Variants in PUDP observed in about 807,000 individuals in gnomAD.
PUDP encodes pseudouridine-5'-phosphatase.
In PUDP, 8 loss-of-function variants were observed where a neutral mutation model predicts 9.4. The ratio of observed to expected loss-of-function variants is 0.85; its 90% confidence interval spans 0.50 to 1.53. The LOEUF (loss-of-function observed/expected upper bound fraction) is 1.53, where lower values mean the gene tolerates loss of function less well. PUDP is among the 40% of genes most tolerant of loss of function. PUDP has a pLI of 0.00. For synonymous variants in PUDP, 99 were observed against 80.7 expected (o/e 1.23, Z -1.22); for missense variants, 188 against 189.7 (o/e 0.99, Z 0.05).
At chrX:6,728,232 A>G (rs1459231473) in intron 3 of PUDP, among the ~76,000 whole-genome samples, 1 of 111,074 alleles carries the variant, frequency 9.0e-6, no homozygotes, top group Non-Finnish European at 1.9e-5. Context: ...GCCCCCCATG[A>G]TTCAATTATC....
At chrX:6,763,644 G>A (rs1203096156) in intron 3 of PUDP, among the ~76,000 whole-genome samples, 4 of 111,281 alleles carry the variant, frequency 3.6e-5, no homozygotes, top group Non-Finnish European at 5.7e-5. Flanking sequence ...TTGGTTAAAC[G>A]CTTCCCTATC....
intron 1 of PUDP, among the ~76,000 whole-genome samples, chrX:7,000,720 A>G (rs1289702938): frequency 9.1e-6 from 1 of 109,306 alleles, no homozygotes; most frequent in African/African-American, 3.3e-5. Flanking sequence ...AAAGCATTTG[A>G]TAAGGTCACT....
At chrX:6,720,694 T>C (rs778535368) in intron 1 of PUDP, among the ~76,000 whole-genome samples, 33 of 109,675 alleles carry the variant, frequency 3.0e-4, no homozygotes, top group Admixed American at 4.9e-4. Flanking sequence ...ATAATAACTA[T>C]GCACAGTGAT....
At chrX:6,714,647 TA>T (rs1283064212) in intron 1 of PUDP, among the ~76,000 whole-genome samples, 3 of 111,090 alleles carry the variant, frequency 2.7e-5, no homozygotes, top group African/African-American at 9.8e-5. Flanking sequence ...GAATGATAGA[TA>T]AATGGAGATG....
intron 3 of PUDP, among the ~76,000 whole-genome samples, chrX:7,070,759 G>T (rs891340565): frequency 9.0e-6 from 1 of 111,412 alleles, no homozygotes; most frequent in African/African-American, 3.3e-5. Flanking sequence ...TGTATTTTTA[G>T]TAGAGATGAG....
intron 3 of PUDP, among the ~76,000 whole-genome samples, chrX:6,826,619 C>T (rs749310568): frequency 3.6e-5 from 4 of 111,836 alleles, no homozygotes; most frequent in Non-Finnish European, 7.5e-5. Flanking sequence ...TGTGGATGTA[C>T]AACGTAGCAA....
At chrX:6,990,485 C>T (rs1400110530) in intron 1 of PUDP, among the ~76,000 whole-genome samples, 6 of 112,188 alleles carry the variant, frequency 5.3e-5, no homozygotes, top group Non-Finnish European at 7.5e-5. Context: ...TTCTAAAAAA[C>T]GAGGAATCAA....
intron 3 of PUDP, among the ~76,000 whole-genome samples, chrX:6,768,133 C>T (rs1925308595): frequency 8.9e-6 from 1 of 111,951 alleles, no homozygotes; most frequent in African/African-American, 3.3e-5. Flanking sequence ...CTCTACCCAG[C>T]GGTTCTCAAC....
chrX:6,754,928 G>A (rs1328891598), intron 3 of PUDP, among the ~76,000 whole-genome samples: 1 of 111,347 alleles, frequency 9.0e-6, no homozygotes, highest in Admixed American at 9.6e-5. Flanking sequence ...TCCTGTAAAC[G>A]TGTGTCCTTT....
At chrX:6,914,676 T>A (rs1458680180) in intron 3 of PUDP, among the ~76,000 whole-genome samples, 3 of 112,404 alleles carry the variant, frequency 2.7e-5, no homozygotes, top group African/African-American at 9.7e-5. Flanking sequence ...TGTCTGTTTA[T>A]GTGTCTCCTA....
rs1221198051 is a variant in PUDP at position 6,868,786 on chromosome X, T to C, written c.*247+108347A>G. On this transcript the variant is annotated intron_variant and NMD_transcript_variant, in intron 3 of 3. Transcript: ENST00000655425. The stretch of plus-strand genomic sequence containing the variant: ...AATTTCCTAACTATTGATTTAGCTG[T>C]TCTTGTGTGTCTTTAAATTAGGAGC... Among the ~76,000 whole-genome samples, 3 of 111,938 alleles carry C rather than the reference T, an allele frequency of 2.7e-5. No homozygotes were observed. In the East Asian group the frequency reaches 8.4e-4, roughly 31 times the overall value.
At chrX:6,926,832 T>C (rs1928109934) in intron 3 of PUDP, among the ~76,000 whole-genome samples, 1 of 111,277 alleles carries the variant, frequency 9.0e-6, no homozygotes, top group Admixed American at 9.6e-5. Flanking sequence ...ATCATTTTTT[T>C]AAGTGACTGG....
intron 3 of PUDP, among the ~76,000 whole-genome samples, chrX:6,863,702 G>A (rs1216894676): frequency 1.8e-5 from 2 of 111,980 alleles, no homozygotes; most frequent in Non-Finnish European, 3.8e-5. Context: ...TTTGTGTATA[G>A]CTTCTATAGG....
At chrX:7,038,779 T>A (rs1929884990) in intron 1 of PUDP, among the ~76,000 whole-genome samples, 1 of 112,009 alleles carries the variant, frequency 8.9e-6, no homozygotes, top group Admixed American at 9.5e-5. Flanking sequence ...AGGAAAAAAG[T>A]CATACATTTA....
At chrX:6,772,868 G>A (rs1925390511) in intron 3 of PUDP, among the ~76,000 whole-genome samples, 2 of 111,027 alleles carry the variant, frequency 1.8e-5, no homozygotes, top group African/African-American at 6.6e-5. Context: ...CAGCTGGGGT[G>A]ACAGAGTGGG....
At chrX:6,804,960 C>T (rs1221729837) in intron 3 of PUDP, among the ~76,000 whole-genome samples, 1 of 111,470 alleles carries the variant, frequency 9.0e-6, no homozygotes, top group African/African-American at 3.3e-5. Flanking sequence ...GGTCTCATGG[C>T]CGGTGAAAAA....
chrX:6,736,990 T>G (rs906738276), intron 3 of PUDP, among the ~76,000 whole-genome samples: 3 of 111,521 alleles, frequency 2.7e-5, no homozygotes, highest in Non-Finnish European at 3.8e-5. Flanking sequence ...CCTGTAACCC[T>G]GAACCTAAAA....
chrX:6,972,695 T>C (rs1928894936), intron 3 of PUDP, among the ~76,000 whole-genome samples: 1 of 111,992 alleles, frequency 8.9e-6, no homozygotes, highest in African/African-American at 3.3e-5. Flanking sequence ...CTGCCAGGTT[T>C]TGGTATCAGG....
intron 3 of PUDP, among the ~76,000 whole-genome samples, chrX:6,900,503 A>AAAAGAGAGAGGGAAGGAGAGAG (rs1927663375): frequency 1.1e-5 from 1 of 88,529 alleles, no homozygotes; most frequent in Non-Finnish European, 2.5e-5. Context: ...GTGAGGTAGT[A>AAAAGAGAGAGGGAAGGAGAGAG]AAAGAGAGAG....
Sources: gnomAD v4.1 joint callset for allele counts (sites outside exome capture counted in the v4.1 genomes callset) on GRCh38, gnomAD v4.1.1 for gene constraint, MANE v1.5 for transcripts, NCBI Gene and HGNC (gene_info 2026-07-23, HGNC 2026-07-21) for gene names.